The following THSD4 variants were observed in gnomAD, a reference collection of about 807,000 sequenced individuals.
THSD4 encodes the protein thrombospondin type-1 domain-containing protein 4.
In THSD4, 69 loss-of-function variants were observed where a neutral mutation model predicts 119.0. The ratio of observed to expected loss-of-function variants is 0.58; its 90% CI spans 0.48 to 0.71. The LOEUF is 0.71. Ranked by LOEUF, THSD4 falls within the 30% of genes least tolerant of loss-of-function variation. THSD4 has a pLI of 0.00. For missense variants in THSD4, 1,393 were observed against 1,391.1 expected (o/e 1.00, Z -0.02); for synonymous variants, 524 against 540.4 (o/e 0.97, Z 0.42).
chr15:71,528,269 C>T (rs2048556807), intron 7 of THSD4, among the ~76,000 whole-genome samples: 4 of 152,182 alleles, frequency 2.6e-5, no homozygotes, highest in Admixed American at 2.0e-4. Flanking sequence ...GCCCATGTAT[C>T]GTACTTTTGC....
intron 7 of THSD4, among the ~76,000 whole-genome samples, chr15:71,655,170 G>T (rs2051165197): frequency 1.3e-5 from 2 of 152,144 alleles, no homozygotes; most frequent in African/African-American, 4.8e-5. Flanking sequence ...GTAACAGCAA[G>T]AAATATCTAT....
At chr15:71,221,534 T>C (rs2043976057) in intron 4 of THSD4, among the ~76,000 whole-genome samples, 1 of 152,232 alleles carries the variant, frequency 6.6e-6, no homozygotes, top group African/African-American at 2.4e-5. Flanking sequence ...AATTGAATGA[T>C]ACAGTATTTG....
At chr15:71,675,395 C>T (rs1306805447) in intron 8 of THSD4, among the ~76,000 whole-genome samples, 3 of 152,174 alleles carry the variant, frequency 2.0e-5, no homozygotes, top group Non-Finnish European at 4.4e-5. Flanking sequence ...GTGCTCTTCC[C>T]GGTGAGGCCG....
intron 3 of THSD4, among the ~76,000 whole-genome samples, chr15:71,199,705 T>TGTGTGTGGTGCATGTGTG (rs1567154802): frequency 7.4e-5 from 1 of 13,472 alleles, no homozygotes. Flanking sequence ...GTGTGGTGTC[T>TGTGTGTGGTGCATGTGTG]GGGTGTGTGG....
intron 6 of THSD4, among the ~76,000 whole-genome samples, chr15:71,293,564 T>A (rs1372979182): frequency 6.6e-6 from 1 of 152,192 alleles, no homozygotes. Flanking sequence ...TCATGGTTCC[T>A]GTGCCTCCGA....
chr15:71,666,647 T>C (rs1392428596), intron 8 of THSD4, among the ~76,000 whole-genome samples: 2 of 152,272 alleles, frequency 1.3e-5, no homozygotes, highest in Admixed American at 1.3e-4. Context: ...ATACTTTGCT[T>C]ATTTCAAAAT....
intron 7 of THSD4, among the ~76,000 whole-genome samples, chr15:71,430,711 C>T (rs1229779971): frequency 1.5e-5 from 2 of 137,540 alleles, no homozygotes; most frequent in Non-Finnish European, 3.0e-5. Flanking sequence ...GAGCCGAGAT[C>T]GCATCTCTGC....
intron 7 of THSD4, among the ~76,000 whole-genome samples, chr15:71,425,866 T>C (rs2046860326): frequency 6.6e-6 from 1 of 152,256 alleles, no homozygotes; most frequent in East Asian, 1.9e-4. Context: ...GAAGCCCCCT[T>C]GGCCAAATAC....
At chr15:71,756,176 T>C (rs894240666) in intron 14 of THSD4, among the ~76,000 whole-genome samples, 2 of 152,134 alleles carry the variant, frequency 1.3e-5, no homozygotes, top group African/African-American at 2.4e-5. Flanking sequence ...GCCCAATGCA[T>C]TGGAAAAGCT....
chr15:71,374,286 A>T (rs1026456560), intron 6 of THSD4, among the ~76,000 whole-genome samples: 1 of 152,188 alleles, frequency 6.6e-6, no homozygotes, highest in African/African-American at 2.4e-5. Context: ...CATGAAGTCG[A>T]TATCTTCATT....
chr15:71,581,923 A>G (rs1470515361), intron 7 of THSD4, among the ~76,000 whole-genome samples: 1 of 152,126 alleles, frequency 6.6e-6, no homozygotes, highest in East Asian at 1.9e-4. Context: ...TAGCATTATA[A>G]TATTTTGAAA....
intron 4 of THSD4, among the ~76,000 whole-genome samples, chr15:71,241,100 A>G (rs989383129): frequency 2.6e-5 from 4 of 152,334 alleles, no homozygotes; most frequent in Non-Finnish European, 4.4e-5. Context: ...GCAGAAATCA[A>G]TGTTTCACCT....
chr15:71,707,256 A>C (rs1158192689), intron 8 of THSD4, among the ~76,000 whole-genome samples: 1 of 152,192 alleles, frequency 6.6e-6, no homozygotes, highest in Non-Finnish European at 1.5e-5. Flanking sequence ...TGATGTCCAG[A>C]AGCCCACACG....
intron 7 of THSD4, among the ~76,000 whole-genome samples, chr15:71,567,933 A>C (rs1029251419): frequency 6.6e-6 from 1 of 152,128 alleles, no homozygotes; most frequent in African/African-American, 2.4e-5. Context: ...AGGGAATGTC[A>C]TCTCTTCACC....
intron 7 of THSD4, among the ~76,000 whole-genome samples, chr15:71,509,340 A>G (rs1449855283): frequency 1.3e-5 from 2 of 152,194 alleles, no homozygotes; most frequent in Admixed American, 1.3e-4. Context: ...CTTGGAGACA[A>G]GGGGAACCGA....
intron 17 of THSD4, among the ~76,000 whole-genome samples, chr15:71,775,757 A>G (rs2053901789): frequency 6.6e-6 from 1 of 152,146 alleles, no homozygotes; most frequent in Non-Finnish European, 1.5e-5. Context: ...GTTTATATGG[A>G]AGAGCAAAAG....
intron 3 of THSD4, among the ~76,000 whole-genome samples, chr15:71,167,417 C>T (rs1309589256): frequency 6.6e-6 from 1 of 152,112 alleles, no homozygotes; most frequent in Non-Finnish European, 1.5e-5. Flanking sequence ...TAGATTTGGC[C>T]CATGGGGCAC....
At chr15:71,168,549 C>G (rs1278566654) in intron 3 of THSD4, among the ~76,000 whole-genome samples, 2 of 152,070 alleles carry the variant, frequency 1.3e-5, no homozygotes, top group African/African-American at 4.8e-5. Flanking sequence ...AGGGGAACTG[C>G]TTTTTTAACC....
At chr15:71,449,340 C>G (rs2047232060) in intron 7 of THSD4, among the ~76,000 whole-genome samples, 1 of 152,178 alleles carries the variant, frequency 6.6e-6, no homozygotes, top group Non-Finnish European at 1.5e-5. Context: ...TACATTGATA[C>G]TGTTTCTATG....
Sources: gnomAD v4.1 joint callset for allele counts (sites outside exome capture counted in the v4.1 genomes callset) on GRCh38, gnomAD v4.1.1 for gene constraint, MANE v1.5 for transcripts, NCBI Gene and HGNC (gene_info 2026-07-23, HGNC 2026-07-21) for gene names.